CSMD1: variants seen among roughly 807,000 people sequenced by gnomAD.
CSMD1 encodes CUB and Sushi multiple domains 1, also known as CUB and sushi domain-containing protein 1.
Under a neutral mutation model 417.5 loss-of-function variants are expected in CSMD1, and 213 were observed. That is an observed-to-expected ratio of 0.51 (90% CI 0.46 to 0.57). The LOEUF is 0.57. CSMD1 is among the 20% of genes least tolerant of loss of function. CSMD1 has a pLI of 0.00. For synonymous variants in CSMD1, 2,862 were observed against 1,736.8 expected, an observed-to-expected ratio of 1.65 and a Z score of -16.11; for missense variants, 6,923 against 4,529.7, an observed-to-expected ratio of 1.53 and a Z score of -15.17.
rs536234900 is a variant in CSMD1, at chr8:4,428,833, C to G, written c.303-8768G>C. Among the ~76,000 whole-genome samples, 254 of 152,162 alleles carry G rather than the reference C, an allele frequency of 1.7e-3. 1 individual carries two copies. Among genetic ancestry groups the G allele is most frequent in the African/African-American group, 5.7e-3 (238 of 41,514 alleles). On this transcript the variant is annotated intron_variant, in intron 2 of 69. Transcript: ENST00000635120. ...CTCCCAGGTTGAAGGATTCTCCTGC[C>G]TCAGCCTCCTGAGTATCTGGGATTA...
intron 52 of CSMD1, among the ~76,000 whole-genome samples, chr8:3,007,576 G>T (rs956638589): frequency 6.6e-6 from 1 of 151,388 alleles, no homozygotes; most frequent in African/African-American, 2.5e-5. Context: ...ATACACCATG[G>T]AATACTATGC....
intron 3 of CSMD1, among the ~76,000 whole-genome samples, chr8:4,060,390 G>A: frequency 6.6e-6 from 1 of 152,216 alleles, no homozygotes; most frequent in East Asian, 1.9e-4. Context: ...GCACAAGACA[G>A]GGATGCCCTC....
At chr8:4,948,520 A>G (rs570623250) in intron 1 of CSMD1, among the ~76,000 whole-genome samples, 2 of 152,064 alleles carry the variant, frequency 1.3e-5, no homozygotes, top group Non-Finnish European at 1.5e-5. Flanking sequence ...AAGTTTCATA[A>G]TCTTGTGAAT....
At chr8:4,104,377 G>C (rs532805588) in intron 3 of CSMD1, among the ~76,000 whole-genome samples, 2 of 152,166 alleles carry the variant, frequency 1.3e-5, no homozygotes, top group South Asian at 4.1e-4. Flanking sequence ...AAATGCACAG[G>C]GCAGTACTAC....
chr8:3,616,771 A>C lies in CSMD1; in HGVS notation c.1036T>G (p.Ser346Ala). ...ATCCCAGGATCTGGACACATGTCAG[A>C]GACCAATGCAACACCTCCTTGGCTC... ...VLSQGGVALV[S>A]DMCPDPGIPE... Residue 346 changes from serine to alanine, a missense_variant, in exon 8 of 70, where the codon TCT becomes GCT. Ser to Ala is a moderately conservative substitution (Grantham distance 99, BLOSUM62 1). Coordinates refer to ENST00000635120, the MANE Select transcript of CSMD1 (RefSeq NM_033225.6). 6.2e-7 allele frequency: 1 copy of C among 1,612,346 alleles called. No homozygotes were observed. The highest frequency in any genetic ancestry group is 8.5e-7 in the Non-Finnish European group (1 of 1,179,094).
At position 3,151,458 on chromosome 8, in the gene CSMD1, G is replaced by T. The variant is rs1398951388; in HGVS notation, c.5970C>A (p.Phe1990Leu). ...CTAAGTTGTTGGGGTAAGAACCTGG[G>T]AAGCCGGGGCTCAGGATCACACCAC... ...TLGGVILSPG[F>L]PGSYPNNLDC... The change falls in exon 40 of 70, where the codon TTC becomes TTA. Residue 1990 changes from phenylalanine (F) to leucine (L), a missense_variant. Physicochemically the swap from Phe to Leu is conservative, Grantham distance 22. Transcript: ENST00000635120. 6 of 1,613,896 alleles carry T rather than the reference G, an allele frequency of 3.7e-6. No individual in the cohort carries two copies. The highest frequency in any genetic ancestry group is 5.1e-6 in the Non-Finnish European group (6 of 1,179,918).
At chr8:3,893,945 C>T (rs752568709) in intron 5 of CSMD1, among the ~76,000 whole-genome samples, 4 of 151,866 alleles carry the variant, frequency 2.6e-5, no homozygotes, top group Non-Finnish European at 5.9e-5. Context: ...ACGTGTGCAC[C>T]CAGAGGACCA....
intron 3 of CSMD1, among the ~76,000 whole-genome samples, chr8:4,264,597 C>T (rs77611845): frequency 6.6e-6 from 1 of 152,054 alleles, no homozygotes; most frequent in Non-Finnish European, 1.5e-5. Flanking sequence ...CCTCGGCGTT[C>T]TAGGGTAGAT....
chr8:4,654,866 G>A (rs1018323301), intron 1 of CSMD1, among the ~76,000 whole-genome samples: 1 of 152,018 alleles, frequency 6.6e-6, no homozygotes, highest in Non-Finnish European at 1.5e-5. Context: ...TATTTGGAAA[G>A]GGGCAAAGGG....
intron 37 of CSMD1, among the ~76,000 whole-genome samples, chr8:3,177,764 C>G (rs1042529348): frequency 5.3e-5 from 8 of 152,324 alleles, no homozygotes; most frequent in African/African-American, 1.9e-4. Flanking sequence ...CAATAACAGT[C>G]ACTGCCACCT....
At chr8:4,096,291 T>G (rs1801005148) in intron 3 of CSMD1, among the ~76,000 whole-genome samples, 1 of 152,108 alleles carries the variant, frequency 6.6e-6, no homozygotes, top group Non-Finnish European at 1.5e-5. Context: ...GATGCCATTG[T>G]GCTAGGATCA....
chr8:3,190,793 T>A (rs1276170064), intron 33 of CSMD1, among the ~76,000 whole-genome samples: 1 of 152,160 alleles, frequency 6.6e-6, no homozygotes, highest in Non-Finnish European at 1.5e-5. Context: ...AAAGAAGAAA[T>A]TCTGCTATTT....
intron 2 of CSMD1, among the ~76,000 whole-genome samples, chr8:4,457,534 T>C (rs2129908069): frequency 6.6e-6 from 1 of 152,104 alleles, no homozygotes; most frequent in East Asian, 1.9e-4. Flanking sequence ...ATTAAGAAAA[T>C]TTCAATTTTA....
chr8:3,231,819 C>A (rs1798857271), intron 26 of CSMD1, among the ~76,000 whole-genome samples: 1 of 152,142 alleles, frequency 6.6e-6, no homozygotes. Flanking sequence ...ATCACTTAAG[C>A]ACACTTATCA....
At chr8:3,678,602 G>A (rs1799499586) in intron 7 of CSMD1, among the ~76,000 whole-genome samples, 1 of 152,154 alleles carries the variant, frequency 6.6e-6, no homozygotes, top group African/African-American at 2.4e-5. Context: ...AAACAAGTTG[G>A]AAAACACTCT....
chr8:4,765,729 G>A (rs138029689), intron 1 of CSMD1, among the ~76,000 whole-genome samples: 1 of 152,312 alleles, frequency 6.6e-6, no homozygotes, highest in Non-Finnish European at 1.5e-5. Context: ...GGCATCAAGA[G>A]GAGGAATTTT....
chr8:3,979,972 A>G (rs928021484), intron 5 of CSMD1, among the ~76,000 whole-genome samples: 1 of 152,252 alleles, frequency 6.6e-6, no homozygotes, highest in African/African-American at 2.4e-5. Context: ...CCAAAGTTAA[A>G]TATTAAGAAC....
chr8:4,469,719 G>C (rs1166403988), intron 2 of CSMD1, among the ~76,000 whole-genome samples: 1 of 152,046 alleles, frequency 6.6e-6, no homozygotes, highest in African/African-American at 2.4e-5. Context: ...TTTTGCCCTT[G>C]TCCCTCTACA....
intron 3 of CSMD1, among the ~76,000 whole-genome samples, chr8:4,335,934 T>A (rs1585256797): frequency 6.6e-6 from 1 of 151,966 alleles, no homozygotes; most frequent in Non-Finnish European, 1.5e-5. Context: ...GAGCCCCATA[T>A]TGGAGGATAA....
Sources: gnomAD v4.1 joint callset for allele counts (sites outside exome capture counted in the v4.1 genomes callset) on GRCh38, gnomAD v4.1.1 for gene constraint, MANE v1.5 for transcripts, NCBI Gene and HGNC (gene_info 2026-07-23, HGNC 2026-07-21) for gene names.